Variants in ARMC8 observed in about 807,000 individuals in gnomAD.
The protein encoded by ARMC8 is armadillo repeat containing 8.
Under a neutral mutation model 99.3 loss-of-function variants are expected in ARMC8, and 20 were observed. The ratio of observed to expected loss-of-function variants is 0.20; its 90% CI spans 0.14 to 0.29. ARMC8 has a LOEUF of 0.29. Ranked by LOEUF, ARMC8 falls within the 10% of genes least tolerant of loss-of-function variation. ARMC8 has a pLI of 1.00. For synonymous variants in ARMC8, 263 were observed against 278.3 expected, an observed-to-expected ratio of 0.95 and a Z score of 0.55; for missense variants, 569 against 809.5, an observed-to-expected ratio of 0.70 and a Z score of 3.60.
chr3:138,229,019 C>T lies in ARMC8; in HGVS notation c.528+9C>T. 4.4e-6 allele frequency: 7 copies of T among 1,586,554 alleles called. No individual in the cohort carries two copies. The highest frequency in any genetic ancestry group is 5.2e-6 in the Non-Finnish European group (6 of 1,160,442). ...TCTCACACTGCTGTAAAGTAAGAAC[C>T]AGAATAAATGTTATCTATAATGTAA... On this transcript the variant is annotated intron_variant, in intron 6 of 21. Coordinates refer to ENST00000469044, the MANE Select transcript of ARMC8 (RefSeq NM_001363941.2).
chr3:138,206,918 C>T (rs1325031261), intron 1 of ARMC8, among the ~76,000 whole-genome samples: 5 of 152,212 alleles, frequency 3.3e-5, no homozygotes, highest in Non-Finnish European at 7.3e-5. Context: ...ATGCAAGGCT[C>T]TGCCTTAATG....
At chr3:138,249,543 C>T (rs2047032460) in intron 12 of ARMC8, among the ~76,000 whole-genome samples, 1 of 151,858 alleles carries the variant, frequency 6.6e-6, no homozygotes, top group African/African-American at 2.4e-5. Flanking sequence ...ACGTGTGAAT[C>T]TGGACCAGGT....
chr3:138,217,138 A>T (rs2045098289), intron 2 of ARMC8, among the ~76,000 whole-genome samples: 1 of 152,178 alleles, frequency 6.6e-6, no homozygotes, highest in African/African-American at 2.4e-5. Context: ...ACACTCTATG[A>T]TGTTCACACA....
In ARMC8 at chr3:138,241,822, T is replaced by G. The variant is rs2046640666; in HGVS notation, c.877T>G (p.Leu293Val). The G allele has an allele frequency of 1.2e-6, 2 of 1,614,030 alleles. No individual in the cohort carries two copies. Among genetic ancestry groups the G allele is most frequent in the Non-Finnish European group, 1.7e-6 (2 of 1,179,980 alleles). Residue 293 changes from leucine to valine, a missense_variant, in exon 11 of 22, where the codon TTA (leucine) becomes GTA (valine). Leu to Val is a conservative substitution (Grantham distance 32). Around this residue, in one of 2 missense-constraint regions of ARMC8, gnomAD observed 342 missense variants for 391.6 expected, o/e 0.87. Transcript: ENST00000469044. ...GGTTCGAATGTGCAGTAAGGAGAGATTACTAGAGGAGAGAGTTGAAGGAGC... is the reference window on the plus strand; with the variant it reads ...GGTTCGAATGTGCAGTAAGGAGAGAGTACTAGAGGAGAGAGTTGAAGGAGC... Reference protein sequence around the residue: ...CLVRMCSKERLLEERVEGAET... With the variant: ...CLVRMCSKERVLEERVEGAET...
At chr3:138,202,692 T>G (rs2044148345) in intron 1 of ARMC8, among the ~76,000 whole-genome samples, 1 of 152,206 alleles carries the variant, frequency 6.6e-6, no homozygotes, top group East Asian at 1.9e-4. Flanking sequence ...AATTCATACC[T>G]AAGTCTTCAA....
chr3:138,285,241 C>T (rs2050296356), intron 19 of ARMC8, among the ~76,000 whole-genome samples: 1 of 152,184 alleles, frequency 6.6e-6, no homozygotes, highest in Admixed American at 6.5e-5. Context: ...ATTCTTTAGA[C>T]CTCACCTCTT....
intron 12 of ARMC8, chr3:138,246,342 T>C (rs527578166): frequency 3.9e-4 from 383 of 985,210 alleles, no homozygotes; most frequent in Non-Finnish European, 4.4e-4. Context: ...CCTATGAAAA[T>C]CATTTTTGGT....
intron 12 of ARMC8, among the ~76,000 whole-genome samples, chr3:138,250,899 C>T (rs2047092327): frequency 6.6e-6 from 1 of 152,074 alleles, no homozygotes; most frequent in Admixed American, 6.6e-5. Context: ...GTAATTCTAG[C>T]ACTTTGGGAG....
At chr3:138,292,966 C>T (rs758707174) in intron 21 of ARMC8, among the ~76,000 whole-genome samples, 2 of 152,096 alleles carry the variant, frequency 1.3e-5, no homozygotes, top group East Asian at 3.9e-4. Context: ...GGACGGTGGC[C>T]GTTTATCCTT....
intron 5 of ARMC8, 32 bp downstream of exon 5, chr3:138,223,765 A>G (rs1243640733): frequency 6.4e-7 from 1 of 1,550,720 alleles, no homozygotes; most frequent in Non-Finnish European, 8.9e-7. Flanking sequence ...GACATTAGTT[A>G]CATTTCACCA....
chr3:138,275,420 G>A (rs962809554), intron 18 of ARMC8, among the ~76,000 whole-genome samples: 2 of 152,132 alleles, frequency 1.3e-5, no homozygotes, highest in Non-Finnish European at 2.9e-5. Context: ...TTAGCCAGGC[G>A]CGGTGGCGGG....
chr3:138,252,602 C>T (rs986367779), intron 12 of ARMC8, among the ~76,000 whole-genome samples: 10 of 151,700 alleles, frequency 6.6e-5, no homozygotes, highest in East Asian at 3.9e-4. Context: ...TACAGGCGCC[C>T]GCCACCACGC....
chr3:138,237,208 G>A, intron 7 of ARMC8, 101 bp from the exon 8 acceptor site: 3 of 999,946 alleles, frequency 3.0e-6, no homozygotes, highest in Non-Finnish European at 4.6e-6. Context: ...AGTATTTTAA[G>A]CAGATTTACA....
intron 1 of ARMC8, among the ~76,000 whole-genome samples, chr3:138,206,565 A>G (rs1261554073): frequency 6.6e-6 from 1 of 152,156 alleles, no homozygotes; most frequent in Non-Finnish European, 1.5e-5. Context: ...CTGCTCCTTC[A>G]CCTTCTTTAG....
intron 18 of ARMC8, 73 bp downstream of exon 18, chr3:138,274,617 A>G: frequency 9.0e-7 from 1 of 1,113,702 alleles, no homozygotes; most frequent in East Asian, 2.4e-5. Flanking sequence ...AGTCTCCTGA[A>G]ATATTCAAAT....
chr3:138,292,584 G>C (rs930350348), intron 21 of ARMC8, among the ~76,000 whole-genome samples: 5 of 152,176 alleles, frequency 3.3e-5, no homozygotes, highest in African/African-American at 9.7e-5. Context: ...AATGTCTAGG[G>C]TTTTAGCCTG....
chr3:138,211,709 G>A (rs1463531669), intron 2 of ARMC8, among the ~76,000 whole-genome samples: 1 of 152,132 alleles, frequency 6.6e-6, no homozygotes, highest in Non-Finnish European at 1.5e-5. Flanking sequence ...TTCTGTTATG[G>A]TCCCTTTCTA....
intron 1 of ARMC8, among the ~76,000 whole-genome samples, chr3:138,200,747 G>T (rs2044009666): frequency 6.6e-6 from 1 of 152,064 alleles, no homozygotes; most frequent in Non-Finnish European, 1.5e-5. Flanking sequence ...CCTCCAGTGT[G>T]TGACAGTGTA....
intron 6 of ARMC8, among the ~76,000 whole-genome samples, chr3:138,230,612 C>T (rs139246746): frequency 6.6e-6 from 1 of 152,174 alleles, no homozygotes; most frequent in East Asian, 1.9e-4. Flanking sequence ...AGTCATTGCA[C>T]CACTGTACTT....
Sources: allele counts gnomAD v4.1 joint callset (sites outside exome capture counted in the v4.1 genomes callset), GRCh38; gene constraint gnomAD v4.1.1; regional missense constraint gnomAD v4.1.1; transcripts MANE v1.5; gene names NCBI Gene and HGNC (gene_info 2026-07-23, HGNC 2026-07-21).